EML1: variants seen among roughly 807,000 people sequenced by gnomAD.
EML1 encodes EMAP like 1.
EML1 carries 27 observed loss-of-function variants against 110.4 expected under a neutral mutation model. That is an observed-to-expected ratio of 0.24 (90% CI 0.18 to 0.34). The LOEUF is 0.34. Ranked by LOEUF, EML1 falls within the 10% of genes least tolerant of loss-of-function variation. The pLI is 1.00. For missense variants in EML1, 741 were observed against 1,030.9 expected, an observed-to-expected ratio of 0.72 and a Z score of 3.85; for synonymous variants, 344 against 385.8, an observed-to-expected ratio of 0.89 and a Z score of 1.27.
chr14:99,828,181 C>T (rs758212090), intron 1 of EML1, among the ~76,000 whole-genome samples: 3 of 152,132 alleles, frequency 2.0e-5, no homozygotes, highest in Non-Finnish European at 2.9e-5. Context: ...AGCAGTCTTC[C>T]GTTATTCAGT....
At chr14:99,914,035 C>G in intron 13 of EML1, 144 bp from the exon 14 acceptor site, 2 of 1,025,722 alleles carry the variant, frequency 1.9e-6, no homozygotes, top group Admixed American at 5.8e-5. Flanking sequence ...GTATATACAA[C>G]ATATATATTT....
intron 1 of EML1, among the ~76,000 whole-genome samples, chr14:99,833,696 A>T (rs569535011): frequency 1.3e-5 from 2 of 152,326 alleles, no homozygotes; most frequent in South Asian, 2.1e-4. Flanking sequence ...GAGTAAAAGC[A>T]GTGTTACTTT....
chr14:99,931,376 C>T (rs2060364655), intron 17 of EML1, among the ~76,000 whole-genome samples: 4 of 152,134 alleles, frequency 2.6e-5, no homozygotes, highest in Admixed American at 2.6e-4. Flanking sequence ...GTTTCCTCAT[C>T]TGCAGAGCAA....
intron 1 of EML1, among the ~76,000 whole-genome samples, chr14:99,742,106 T>G (rs1366971429): frequency 6.6e-6 from 1 of 152,182 alleles, no homozygotes; most frequent in African/African-American, 2.4e-5. Context: ...TCCCGAGTTC[T>G]GACATCAAGT....
Position 99,928,875 on chromosome 14 carries a change from G to C in EML1, c.1910-7154G>C, listed in dbSNP as rs2060316187. Among the ~76,000 whole-genome samples, 4 of 152,296 alleles carry C rather than the reference G, an allele frequency of 2.6e-5. No homozygotes were observed. In the South Asian group the frequency reaches 8.3e-4, roughly 32 times the overall value. Reference sequence around the variant, plus strand: ...TTTTGTCCATGTTGAGAAGGAGCTTGACTTGGAATGCCTTTCATTCATAAC... The same window carrying C: ...TTTTGTCCATGTTGAGAAGGAGCTTCACTTGGAATGCCTTTCATTCATAAC... On this transcript the variant is annotated intron_variant, in intron 17 of 21. Coordinates refer to ENST00000262233, the MANE Select transcript of EML1 (RefSeq NM_004434.3).
At chr14:99,812,782 TG>T (rs2058103740) in intron 1 of EML1, among the ~76,000 whole-genome samples, 1 of 152,214 alleles carries the variant, frequency 6.6e-6, no homozygotes, top group South Asian at 2.1e-4. Context: ...GAGTTCCCAG[TG>T]ACTAGTATCT....
chr14:99,857,208 G>A (rs1391749741), intron 2 of EML1, among the ~76,000 whole-genome samples: 1 of 151,956 alleles, frequency 6.6e-6, no homozygotes, highest in African/African-American at 2.4e-5. Flanking sequence ...GGAGGTCGAG[G>A]CTGCAGTGAG....
intron 1 of EML1, among the ~76,000 whole-genome samples, chr14:99,808,027 C>T (rs748331178): frequency 1.4e-4 from 22 of 152,236 alleles, no homozygotes; most frequent in Admixed American, 3.9e-4. Flanking sequence ...CCTTAAGACC[C>T]GGCCTACAGA....
At chr14:99,774,300 C>T (rs1453435911) in intron 1 of EML1, among the ~76,000 whole-genome samples, 2 of 152,182 alleles carry the variant, frequency 1.3e-5, no homozygotes, top group East Asian at 1.9e-4. Context: ...GGCCTTGTGA[C>T]CTCCACCCTA....
chr14:99,919,425 GACACACAC>G lies in EML1; in HGVS notation c.1821-1333_1821-1326del, dbSNP rs376238109. ...ACACACACACATACGCATGCACACAGACACACACACACACACACACACACACACACACA... is the reference window on the plus strand; with the variant it reads ...ACACACACACATACGCATGCACACAGACACACACACACACACACACACACA... On this transcript the variant is annotated intron_variant, in intron 16 of 21. Transcript: ENST00000262233. 7.2e-3 allele frequency among the ~76,000 whole-genome samples: 703 copies of G among 97,552 alleles called. 3 individuals are homozygous for G. Among genetic ancestry groups the G allele is most frequent in the African/African-American group, 0.02 (667 of 32,828 alleles). The allele number at this position is 97,552 out of a possible 152,430, so 64.0% of individuals were successfully genotyped here.
intron 1 of EML1, among the ~76,000 whole-genome samples, chr14:99,804,621 T>C (rs1379829245): frequency 6.6e-6 from 1 of 152,166 alleles, no homozygotes; most frequent in Non-Finnish European, 1.5e-5. Flanking sequence ...GGAAAAAAGA[T>C]GGGACAGCTA....
At chr14:99,742,408 C>T (rs1035355013) in intron 1 of EML1, among the ~76,000 whole-genome samples, 1 of 152,126 alleles carries the variant, frequency 6.6e-6, no homozygotes, top group Non-Finnish European at 1.5e-5. Flanking sequence ...TGGCTTGCTT[C>T]AGTGCAGTGG....
chr14:99,841,627 A>G (rs1444912413), intron 1 of EML1, among the ~76,000 whole-genome samples: 3 of 152,220 alleles, frequency 2.0e-5, no homozygotes, highest in African/African-American at 7.2e-5. Context: ...AAAATGCCAC[A>G]AAGTTGGAAC....
chr14:99,787,485 G>A (rs932751052), intron 1 of EML1, among the ~76,000 whole-genome samples: 23 of 152,026 alleles, frequency 1.5e-4, no homozygotes, highest in Non-Finnish European at 3.2e-4. Flanking sequence ...CACCATGTTG[G>A]CCAGGCTGGT....
At chr14:99,773,190 G>A (rs558041156) in exon 1 of EML1, 3 of 152,114 alleles carry the variant, frequency 2.0e-5, no homozygotes, top group Non-Finnish European at 4.4e-5. Context: ...TTTTTGTTTC[G>A]GTAAATAAAG....
chr14:99,760,353 G>C (rs2057301936), intron 1 of EML1, among the ~76,000 whole-genome samples: 3 of 152,052 alleles, frequency 2.0e-5, no homozygotes. Flanking sequence ...GGTGCCTCCA[G>C]TTTCCTCCCC....
At chr14:99,875,364 A>G (rs2059272930) in intron 3 of EML1, among the ~76,000 whole-genome samples, 1 of 152,214 alleles carries the variant, frequency 6.6e-6, no homozygotes, top group African/African-American at 2.4e-5. Context: ...GTTTGAATTA[A>G]GTAATACAGT....
chr14:99,811,429 G>T (rs116618545), intron 1 of EML1, among the ~76,000 whole-genome samples: 3 of 150,162 alleles, frequency 2.0e-5, no homozygotes, highest in Non-Finnish European at 3.0e-5. Flanking sequence ...ACAAGCAGTC[G>T]ATTAACACAT....
intron 1 of EML1, among the ~76,000 whole-genome samples, chr14:99,828,973 A>C (rs1292323531): frequency 6.6e-6 from 1 of 152,050 alleles, no homozygotes; most frequent in Non-Finnish European, 1.5e-5. Context: ...AGTGACAAGC[A>C]GAAAAAAATC....
Sources: allele counts gnomAD v4.1 joint callset (sites outside exome capture counted in the v4.1 genomes callset), GRCh38; gene constraint gnomAD v4.1.1; transcripts MANE v1.5; gene names NCBI Gene and HGNC (gene_info 2026-07-23, HGNC 2026-07-21).